Variants in RASSF4 observed in about 807,000 individuals in gnomAD.
RASSF4 encodes the protein Ras association domain family member 4, also known as ras association domain-containing protein 4.
RASSF4 carries 38 observed loss-of-function variants against 41.1 expected under a neutral mutation model. The observed-to-expected ratio is 0.92, with a 90% confidence interval of 0.71 to 1.21. The LOEUF (loss-of-function observed/expected upper bound fraction) is 1.21, where lower values mean the gene tolerates loss of function less well. Among genes scored for constraint, RASSF4 ranks in the 50% most tolerant of loss-of-function variants. RASSF4 has a pLI of 0.00. For missense variants in RASSF4, 414 were observed against 419.4 expected, an observed-to-expected ratio of 0.99 and a Z score of 0.11; for synonymous variants, 179 against 163.4, an observed-to-expected ratio of 1.10 and a Z score of -0.73.
At chr10:44,964,386 C>T (rs986066466) in intron 1 of RASSF4, among the ~76,000 whole-genome samples, 7 of 152,180 alleles carry the variant, frequency 4.6e-5, no homozygotes, top group African/African-American at 1.2e-4. Context: ...GGGAGGGGAA[C>T]GGGCCCAGAC....
At chr10:44,967,120 T>C (rs1469531636) in intron 1 of RASSF4, among the ~76,000 whole-genome samples, 1 of 152,210 alleles carries the variant, frequency 6.6e-6, no homozygotes, top group Non-Finnish European at 1.5e-5. Context: ...GGCAGAGGTT[T>C]ATTTCTCCCT....
Position 44,971,809 on chromosome 10 carries a change from C to G in RASSF4, c.99C>G (p.Cys33Trp). ...TAGGCCTGCTGAAAACCTACAACTG[C>G]TACCATGAGGGCAAGAGCTTCCAGC... ...ELLGLLKTYN[C>W]YHEGKSFQLR... is the part of the protein sequence containing the mutation. The change falls in exon 3 of 11, where the codon TGC becomes TGG. Residue 33 changes from cysteine (C) to tryptophan (W), a missense_variant. Coordinates refer to ENST00000340258, the MANE Select transcript of RASSF4 (RefSeq NM_032023.4). The G allele has an allele frequency of 6.2e-7, 1 of 1,613,722 alleles. No homozygotes were observed. The highest frequency in any genetic ancestry group is 1.3e-5 in the African/African-American group (1 of 75,046).
chr10:44,991,141 A>G (rs1423714758), intron 9 of RASSF4, 72 bp downstream of exon 9: 11 of 1,434,914 alleles, frequency 7.7e-6, no homozygotes, highest in Non-Finnish European at 1.0e-5. Flanking sequence ...CCTCCCAAGG[A>G]CTCCTGGCCA....
In RASSF4 at chr10:44,992,075, C is replaced by T. The variant is rs1351818579; in HGVS notation, c.905+73C>T. Reference sequence around the variant, plus strand: ...GGTCTGCAAAGCACAGCACCAGTGCCGGCTGGGAGGTCTCTCTCCTCCATG... The same window carrying T: ...GGTCTGCAAAGCACAGCACCAGTGCTGGCTGGGAGGTCTCTCTCCTCCATG... On this transcript the variant is annotated intron_variant, in intron 10 of 10. Coordinates refer to ENST00000340258, the MANE Select transcript of RASSF4 (RefSeq NM_032023.4). The T allele has an allele frequency of 4.1e-5, 40 of 971,388 alleles. No homozygotes were observed. The East Asian group carries it at 6.6e-4, about 16-fold the overall frequency. 60.2% of individuals were successfully genotyped at this position (971,388 alleles called of 1,614,324 possible).
At chr10:44,966,436 C>T (rs1588788405) in intron 1 of RASSF4, among the ~76,000 whole-genome samples, 1 of 152,318 alleles carries the variant, frequency 6.6e-6, no homozygotes, top group South Asian at 2.1e-4. Flanking sequence ...GGGACTTCGA[C>T]CCCAGCTGAT....
chr10:44,987,809 T>C (rs925827065), intron 6 of RASSF4, among the ~76,000 whole-genome samples: 2 of 152,130 alleles, frequency 1.3e-5, no homozygotes, highest in Non-Finnish European at 2.9e-5. Context: ...GATGTAGTAC[T>C]GTCTCACCCT....
At chr10:44,966,246 C>T (rs995125988) in intron 1 of RASSF4, among the ~76,000 whole-genome samples, 1 of 152,144 alleles carries the variant, frequency 6.6e-6, no homozygotes, top group Non-Finnish European at 1.5e-5. Flanking sequence ...TAAGTAACCA[C>T]TGCCTGACTT....
In RASSF4 at chr10:44,971,696, G is replaced by A. The variant is rs745684795; in HGVS notation, c.63-77G>A. The A allele has an allele frequency of 6.4e-6, 7 of 1,091,006 alleles. 1 individual carries two copies. The South Asian group carries it at 8.7e-5, about 14-fold the overall frequency. The allele number at this position is 1,091,006 out of a possible 1,614,324, so 67.6% of individuals were successfully genotyped here. A position where few individuals can be genotyped will look rare whatever the true frequency, so the allele number is the denominator to read the frequency against. ...CACTCCTGTTACAAATGAGGAAACAGAGGCCAGGGAAGCCAAAGGCCAGAA... is the reference window on the plus strand; with the variant it reads ...CACTCCTGTTACAAATGAGGAAACAAAGGCCAGGGAAGCCAAAGGCCAGAA... On this transcript the variant is annotated intron_variant, in intron 2 of 10. Coordinates refer to ENST00000340258, the MANE Select transcript of RASSF4 (RefSeq NM_032023.4).
At chr10:44,980,460 G>A (rs1279214834) in intron 3 of RASSF4, among the ~76,000 whole-genome samples, 1 of 152,196 alleles carries the variant, frequency 6.6e-6, no homozygotes. Context: ...TGAACAGTGG[G>A]CGGCTATGCT....
At chr10:44,983,560 T>C (rs59381196) in intron 4 of RASSF4, 6,105 of 180,960 alleles carry the variant, frequency 0.034, 132 homozygotes, top group East Asian at 0.061. Context: ...TACCCACTCC[T>C]TCTCCAGCCC....
chr10:44,960,273 A>G (rs1840657746), intron 1 of RASSF4, among the ~76,000 whole-genome samples: 1 of 152,196 alleles, frequency 6.6e-6, no homozygotes, highest in African/African-American at 2.4e-5. Context: ...TCTGTCTCAC[A>G]ATCGCTGTCT....
rs1842224995 is a variant in RASSF4, at chr10:44,994,362, A to C, written c.*1033A>C. On this transcript the variant is annotated 3_prime_UTR_variant, in exon 11 of 11. Transcript: ENST00000340258. ...TGCAACAGTTTACATCAGTCATGTGAAGTATTTGTCTAAAACAGAGCAAAC... is the reference window on the plus strand; with the variant it reads ...TGCAACAGTTTACATCAGTCATGTGCAGTATTTGTCTAAAACAGAGCAAAC... 2 of 152,678 alleles carry C rather than the reference A, an allele frequency of 1.3e-5. No homozygotes were observed. Among genetic ancestry groups the C allele is most frequent in the African/African-American group, 4.8e-5 (2 of 41,470 alleles). 9.5% of individuals were successfully genotyped at this position (152,678 alleles called of 1,614,324 possible). A position where few individuals can be genotyped will look rare whatever the true frequency, so the allele number is the denominator to read the frequency against.
chr10:44,989,320 T>C lies in RASSF4; in HGVS notation c.578T>C (p.Val193Ala), dbSNP rs1842026588. 2 of 1,614,032 alleles carry C rather than the reference T, an allele frequency of 1.2e-6. No individual in the cohort carries two copies. The highest frequency in any genetic ancestry group is 1.7e-6 in the Non-Finnish European group (2 of 1,179,934). The change falls in exon 7 of 11, where the codon GTC becomes GCC. Residue 193 changes from valine to alanine, a missense_variant. Physicochemically the swap from Val to Ala is moderately conservative, Grantham distance 64 (BLOSUM62 0). Coordinates refer to ENST00000340258, the MANE Select transcript of RASSF4 (RefSeq NM_032023.4). ...PAYGSVTNVRVNSTMTTLQVL... is the reference protein window; with the variant it reads ...PAYGSVTNVRANSTMTTLQVL... ...TATGGATCCGTGACCAATGTGAGGG[T>C]CAACAGCACCATGACAACCCTGCAG...
In RASSF4 at chr10:44,984,911, G is replaced by A. The variant is rs747054187; in HGVS notation, c.472G>A (p.Glu158Lys). ...QRRPKCRAPG[E>K]AQRIRRHRFS... Reference sequence around the variant, plus strand: ...GAGGCCCAAGTGCCGCGCCCCCGGTGAGGCCCAGCGCATCCGGCGACACCG... The same window carrying A: ...GAGGCCCAAGTGCCGCGCCCCCGGTAAGGCCCAGCGCATCCGGCGACACCG... The change falls in exon 6 of 11, where the codon GAG (glutamate) becomes AAG (lysine). Residue 158 changes from glutamate to lysine, a missense_variant. Transcript: ENST00000340258. 6.2e-7 allele frequency: 1 copy of A among 1,613,508 alleles called. No individual in the cohort carries two copies. Among genetic ancestry groups the A allele is most frequent in the Non-Finnish European group, 8.5e-7 (1 of 1,180,012 alleles).
chr10:44,977,416 G>T (rs1841483525), intron 3 of RASSF4: 1 of 1,596,742 alleles, frequency 6.3e-7, no homozygotes, highest in African/African-American at 1.3e-5. Flanking sequence ...TCACCGGGAG[G>T]TGCGAGTAGA....
chr10:44,990,916 C>T lies in RASSF4; in HGVS notation c.686-32C>T, dbSNP rs1422265046. 1.2e-5 allele frequency: 20 copies of T among 1,605,282 alleles called. No homozygotes were observed. The East Asian group carries it at 4.5e-4, about 36-fold the overall frequency. ...AACAGACAGAGGTGATCCTAATCTC[C>T]CGTGATTTTTGTAAACCACCTTCTT... On this transcript the variant is annotated intron_variant, in intron 8 of 10. Transcript: ENST00000340258.
chr10:44,960,894 C>CA (rs1361850522), intron 1 of RASSF4, among the ~76,000 whole-genome samples: 3 of 127,232 alleles, frequency 2.4e-5, no homozygotes, highest in African/African-American at 1.0e-4. Flanking sequence ...TGCCAGAAAC[C>CA]ATTTTTTTTT....
chr10:44,971,968 G>A (rs1764640776), intron 3 of RASSF4, 120 bp downstream of exon 3: 1 of 675,704 alleles, frequency 1.5e-6, no homozygotes. Context: ...GACCTAGTTT[G>A]GACAATAAGT....
chr10:44,987,878 T>C (rs569503174), intron 6 of RASSF4, among the ~76,000 whole-genome samples: 25 of 152,280 alleles, frequency 1.6e-4, no homozygotes, highest in Admixed American at 7.2e-4. Context: ...ACCAAAACAT[T>C]TGTGTGACTC....
Sources: gnomAD v4.1 joint callset for allele counts (sites outside exome capture counted in the v4.1 genomes callset) on GRCh38, gnomAD v4.1.1 for gene constraint, MANE v1.5 for transcripts, NCBI Gene and HGNC (gene_info 2026-07-23, HGNC 2026-07-21) for gene names.